The following RBM26 variants were observed in gnomAD, a reference collection of about 807,000 sequenced individuals.
The protein encoded by RBM26 is RNA binding motif protein 26, also known as RNA-binding protein 26.
RBM26 carries 30 observed loss-of-function variants against 123.6 expected under a neutral mutation model. The ratio of observed to expected loss-of-function variants is 0.24; its 90% CI spans 0.18 to 0.33. RBM26 has a LOEUF of 0.33. Ranked by LOEUF, RBM26 falls within the 10% of genes least tolerant of loss-of-function variation. The probability of loss-of-function intolerance (pLI) is 1.00; values close to 1 mark genes in which losing one functional copy is unlikely to be tolerated. For synonymous variants in RBM26, 400 were observed against 404.4 expected (o/e 0.99, Z 0.13); for missense variants, 947 against 1,203.6 (o/e 0.79, Z 3.15).
chr13:79,362,212 A>G (rs2074776912), intron 9 of RBM26, among the ~76,000 whole-genome samples: 1 of 152,162 alleles, frequency 6.6e-6, no homozygotes, highest in South Asian at 2.1e-4. Flanking sequence ...GTCCTTCTCA[A>G]TGAATGATAT....
intron 1 of RBM26, among the ~76,000 whole-genome samples, chr13:79,387,912 G>A (rs1216609834): frequency 1.2e-4 from 18 of 152,062 alleles, no homozygotes; most frequent in Admixed American, 1.2e-3. Context: ...CTGTTACATA[G>A]CAACTACTGG....
intron 1 of RBM26, among the ~76,000 whole-genome samples, chr13:79,396,991 C>T (rs2078625648): frequency 1.3e-5 from 2 of 152,072 alleles, no homozygotes; most frequent in Admixed American, 1.3e-4. Context: ...ACCAGCCTGG[C>T]CAACATGGTG....
In RBM26 at chr13:79,368,877, T is replaced by G. The variant is rs1417255317; in HGVS notation, c.748A>C (p.Thr250Pro). 6 of 1,613,780 alleles carry G rather than the reference T, an allele frequency of 3.7e-6. No homozygotes were observed. The highest frequency in any genetic ancestry group is 1.1e-5 in the South Asian group (1 of 91,072). The change falls in exon 6 of 22, where the codon ACT becomes CCT. Residue 250 changes from threonine (T) to proline (P), a missense_variant. Thr to Pro is a conservative substitution (Grantham distance 38, BLOSUM62 -1). Coordinates refer to ENST00000438737, the MANE Select transcript of RBM26 (RefSeq NM_001366735.2). The stretch of plus-strand genomic sequence containing the variant: ...ATTACTGTAATAGTGCTGCTCAAAG[T>G]AGGTACAGGGTAGTGGCCAGATGAA... Reference protein sequence around the residue: ...SISSGHYPVPTLSSTITVIAP... With the variant: ...SISSGHYPVPPLSSTITVIAP...
chr13:79,315,187 T>C (rs1342398750), downstream of RBM26, among the ~76,000 whole-genome samples: 1 of 151,708 alleles, frequency 6.6e-6, no homozygotes, highest in African/African-American at 2.4e-5. Flanking sequence ...CCTCTCTGCA[T>C]CATACTCCCT....
At chr13:79,388,606 G>A (rs565723592) in intron 1 of RBM26, among the ~76,000 whole-genome samples, 3 of 152,122 alleles carry the variant, frequency 2.0e-5, no homozygotes, top group Non-Finnish European at 4.4e-5. Flanking sequence ...TATTCTCACA[G>A]AACTTAACTG....
intron 1 of RBM26, among the ~76,000 whole-genome samples, chr13:79,393,862 C>A (rs1276847545): frequency 6.6e-6 from 1 of 152,138 alleles, no homozygotes; most frequent in African/African-American, 2.4e-5. Flanking sequence ...GTTTTTTCAA[C>A]TAAAATCAGC....
At chr13:79,393,762 G>A (rs1590466) in intron 1 of RBM26, among the ~76,000 whole-genome samples, 150,248 of 152,248 alleles carry the variant, frequency 0.99, 74,179 homozygotes, top group East Asian at 1. Flanking sequence ...TGCACCGAGT[G>A]GACCTGAGGC....
At chr13:79,397,054 G>C (rs184717731) in intron 1 of RBM26, among the ~76,000 whole-genome samples, 1 of 152,120 alleles carries the variant, frequency 6.6e-6, no homozygotes, top group Non-Finnish European at 1.5e-5. Flanking sequence ...GGTGGCGCAC[G>C]CCTGTAGTCC....
At chr13:79,369,623 C>CA (rs1010911068) in intron 5 of RBM26, among the ~76,000 whole-genome samples, 1 of 151,922 alleles carries the variant, frequency 6.6e-6, no homozygotes, top group East Asian at 1.9e-4. Context: ...TTAAGAGTAG[C>CA]AAAAAAAGTT....
intron 20 of RBM26, among the ~76,000 whole-genome samples, chr13:79,332,195 A>G (rs984835238): frequency 6.6e-6 from 1 of 152,302 alleles, no homozygotes; most frequent in East Asian, 1.9e-4. Flanking sequence ...AAGGGCTGAC[A>G]GTTTTTTCTT....
intron 6 of RBM26, 106 bp from the exon 7 acceptor site, chr13:79,366,978 T>C (rs1167217712): frequency 2.1e-6 from 2 of 963,218 alleles, no homozygotes; most frequent in Non-Finnish European, 2.9e-6. Flanking sequence ...ATTTTTAATA[T>C]TGGACAAAAG....
intron 19 of RBM26, among the ~76,000 whole-genome samples, chr13:79,335,938 G>A (rs2070304496): frequency 6.6e-6 from 1 of 152,052 alleles, no homozygotes; most frequent in Admixed American, 6.6e-5. Context: ...CTCCTTTCTA[G>A]TTCTCTTAAT....
At chr13:79,399,048 G>C (rs1054466862) in intron 1 of RBM26, among the ~76,000 whole-genome samples, 6 of 152,122 alleles carry the variant, frequency 3.9e-5, no homozygotes, top group Non-Finnish European at 8.8e-5. Context: ...AAAATAACAC[G>C]ACTAAATAAT....
intron 1 of RBM26, among the ~76,000 whole-genome samples, chr13:79,382,830 T>C (rs1297462005): frequency 6.6e-6 from 1 of 152,186 alleles, no homozygotes; most frequent in Non-Finnish European, 1.5e-5. Flanking sequence ...AGGTTCCACC[T>C]TTATAAATGC....
intron 8 of RBM26, 23 bp downstream of exon 8, chr13:79,366,031 AT>A: frequency 6.2e-7 from 1 of 1,608,000 alleles, no homozygotes; most frequent in Non-Finnish European, 8.5e-7. Context: ...TACATTACGA[AT>A]ATAAAAAGGG....
chr13:79,342,762 A>C lies in RBM26; in HGVS notation c.2329T>G (p.Leu777Val). The C allele has an allele frequency of 6.2e-7, 1 of 1,610,616 alleles. No homozygotes were observed. The highest frequency in any genetic ancestry group is 8.5e-7 in the Non-Finnish European group (1 of 1,177,406). Residue 777 changes from leucine (L) to valine (V), a missense_variant, in exon 17 of 22, where the codon TTA becomes GTA. Leu to Val is a conservative substitution (Grantham distance 32). Around this residue, in one of 5 missense-constraint regions of RBM26, gnomAD observed 493 missense variants for 563.1 expected, o/e 0.88. Transcript: ENST00000438737. ...SEDKAEIMKT[L>V]EVLTKNITKL... Reference sequence around the variant, plus strand: ...GTAATATTTTTTGTCAAAACCTCTAAAGTTTTCATTATTTCTGCTTTATCT... The same window carrying C: ...GTAATATTTTTTGTCAAAACCTCTACAGTTTTCATTATTTCTGCTTTATCT...
intron 1 of RBM26, among the ~76,000 whole-genome samples, chr13:79,396,843 T>C (rs1359772489): frequency 6.6e-6 from 1 of 152,134 alleles, no homozygotes; most frequent in Non-Finnish European, 1.5e-5. Flanking sequence ...ATACACCATA[T>C]TAACAAAAAA....
chr13:79,331,359 G>A (rs1204977863), intron 20 of RBM26, among the ~76,000 whole-genome samples: 1 of 151,472 alleles, frequency 6.6e-6, no homozygotes, highest in South Asian at 2.1e-4. Flanking sequence ...AGTGGCTCAT[G>A]CCTGTAACCC....
rs530790050 is a variant in RBM26, at chr13:79,333,387, G to C, written c.2820+957C>G. Among the ~76,000 whole-genome samples, 3 of 152,028 alleles carry C rather than the reference G, an allele frequency of 2.0e-5. No homozygotes were observed. In the South Asian group the frequency reaches 6.2e-4, roughly 32 times the overall value. ...AGTTGAATGACTTATCAGACCCATA[G>C]TCTTATGGTTACAATGCCCCAAGGG... On this transcript the variant is annotated intron_variant, in intron 20 of 21. Transcript: ENST00000438737.
Sources: gnomAD v4.1 joint callset for allele counts (sites outside exome capture counted in the v4.1 genomes callset) on GRCh38, gnomAD v4.1.1 for gene constraint, gnomAD v4.1.1 regional missense constraint, MANE v1.5 for transcripts, NCBI Gene and HGNC (gene_info 2026-07-23, HGNC 2026-07-21) for gene names.